RHOJ: variants seen among roughly 807,000 people sequenced by gnomAD.
RHOJ encodes the protein rho-related GTP-binding protein RhoJ.
RHOJ carries 11 observed loss-of-function variants against 23.4 expected under a neutral mutation model. The observed-to-expected ratio is 0.47, with a 90% confidence interval of 0.30 to 0.78. The LOEUF is 0.78. Among genes scored for constraint, RHOJ ranks in the 30% least tolerant of loss-of-function variants. The probability of loss-of-function intolerance (pLI) is 0.08; values close to 1 mark genes in which losing one functional copy is unlikely to be tolerated. For synonymous variants in RHOJ, 102 were observed against 102.7 expected (o/e 0.99, Z 0.04); for missense variants, 254 against 273.4 (o/e 0.93, Z 0.50).
chr14:63,239,179 T>C (rs372117903), intron 1 of RHOJ, among the ~76,000 whole-genome samples: 4 of 152,100 alleles, frequency 2.6e-5, no homozygotes, highest in African/African-American at 9.7e-5. Context: ...TGGCACAATC[T>C]CGACTCACCG....
At chr14:63,214,510 A>G (rs778089343) in intron 1 of RHOJ, among the ~76,000 whole-genome samples, 2 of 152,222 alleles carry the variant, frequency 1.3e-5, no homozygotes, top group African/African-American at 2.4e-5. Context: ...TTTCCAGCAG[A>G]TCGTATCAAA....
chr14:63,232,482 T>A (rs890799865), intron 1 of RHOJ, among the ~76,000 whole-genome samples: 3 of 152,168 alleles, frequency 2.0e-5, no homozygotes, highest in Admixed American at 1.3e-4. Flanking sequence ...GTTTAGCAAG[T>A]TGGCCAGAAT....
chr14:63,223,261 T>G lies in RHOJ; in HGVS notation c.178+18214T>G, dbSNP rs1200565205. 3.9e-5 allele frequency among the ~76,000 whole-genome samples: 6 copies of G among 152,230 alleles called. No individual in the cohort carries two copies. The East Asian group carries it at 1.2e-3, about 29-fold the overall frequency. Reference sequence around the variant, plus strand: ...ACCTATTGGTCTAGGAAAGAGGTCCTGTTATCCTCTATCTCCAAGGCCCCA... The same window carrying G: ...ACCTATTGGTCTAGGAAAGAGGTCCGGTTATCCTCTATCTCCAAGGCCCCA... On this transcript the variant is annotated intron_variant, in intron 1 of 4. Coordinates refer to ENST00000316754, the MANE Select transcript of RHOJ (RefSeq NM_020663.5).
At chr14:63,249,121 A>G (rs1395878918) in intron 1 of RHOJ, among the ~76,000 whole-genome samples, 1 of 152,250 alleles carries the variant, frequency 6.6e-6, no homozygotes, top group African/African-American at 2.4e-5. Context: ...TGAGAAGCTC[A>G]GGGCACTTCT....
At chr14:63,280,251 A>C (rs561086003) in intron 2 of RHOJ, among the ~76,000 whole-genome samples, 17 of 152,232 alleles carry the variant, frequency 1.1e-4, no homozygotes, top group African/African-American at 4.1e-4. Flanking sequence ...TCTCAAGCTC[A>C]AGGAATCAGG....
intron 1 of RHOJ, among the ~76,000 whole-genome samples, chr14:63,232,877 G>A (rs1894722312): frequency 6.6e-6 from 1 of 151,638 alleles, no homozygotes; most frequent in Non-Finnish European, 1.5e-5. Context: ...TTGTGTTTTT[G>A]CAGAGATAGG....
chr14:63,258,449 AAT>A (rs35755497), intron 1 of RHOJ, among the ~76,000 whole-genome samples: 44,195 of 148,756 alleles, frequency 0.3, 10,695 homozygotes, highest in African/African-American at 0.67. Context: ...AACTGTTTAA[AAT>A]ATATATATAT....
At chr14:63,234,312 T>C (rs1894749028) in intron 1 of RHOJ, among the ~76,000 whole-genome samples, 1 of 152,210 alleles carries the variant, frequency 6.6e-6, no homozygotes, top group Non-Finnish European at 1.5e-5. Context: ...GATAGAACTT[T>C]GTACATCTCT....
At chr14:63,253,096 T>C (rs1895100348) in intron 1 of RHOJ, among the ~76,000 whole-genome samples, 1 of 152,218 alleles carries the variant, frequency 6.6e-6, no homozygotes, top group Non-Finnish European at 1.5e-5. Flanking sequence ...TCTTTTCTTA[T>C]AAACTCTTAA....
chr14:63,281,027 C>A lies in RHOJ; in HGVS notation c.294C>A (p.Ile98=). The A allele has an allele frequency of 6.2e-7, 1 of 1,614,112 alleles. No individual in the cohort carries two copies. Among genetic ancestry groups the A allele is most frequent in the Non-Finnish European group, 8.5e-7 (1 of 1,179,986 alleles). The change falls in exon 3 of 5, where the codon ATC becomes ATA. Residue 98 remains isoleucine, a synonymous_variant. Transcript: ENST00000316754. The part of the protein sequence containing the change: ...LSYPNTDVFL[I]CFSVVNPASY... The stretch of plus-strand genomic sequence containing the variant: ...ACCCCAACACGGATGTGTTTTTGAT[C>A]TGCTTCTCTGTCGTAAACCCTGCCT...
Position 63,291,402 on chromosome 14 carries a change from G to A in RHOJ, c.*378G>A. On this transcript the variant is annotated 3_prime_UTR_variant, in exon 5 of 5. Coordinates refer to ENST00000316754, the MANE Select transcript of RHOJ (RefSeq NM_020663.5). ...AAAGAAACTTGATTCCTCTATTGCT[G>A]GCCTTACTTGATGTCTTTTATAAAA... 1 of 288,924 alleles carries A rather than the reference G, an allele frequency of 3.5e-6. No homozygotes were observed. Among genetic ancestry groups the A allele is most frequent in the Non-Finnish European group, 6.7e-6 (1 of 149,306 alleles). The allele number at this position is 288,924 out of a possible 1,614,324, so 17.9% of individuals were successfully genotyped here. A position where few individuals can be genotyped will look rare whatever the true frequency, so the allele number is the denominator to read the frequency against.
chr14:63,206,922 C>G (rs544494391), intron 1 of RHOJ, among the ~76,000 whole-genome samples: 1 of 152,100 alleles, frequency 6.6e-6, no homozygotes, highest in South Asian at 2.1e-4. Flanking sequence ...CTTTGTACCT[C>G]TTTAAGTATA....
intron 1 of RHOJ, among the ~76,000 whole-genome samples, chr14:63,267,716 G>A (rs935405843): frequency 3.3e-5 from 5 of 152,224 alleles, no homozygotes; most frequent in Admixed American, 1.3e-4. Flanking sequence ...ACTTGTGAAA[G>A]GAAGTGAAAA....
intron 1 of RHOJ, among the ~76,000 whole-genome samples, chr14:63,264,652 G>T (rs181201453): frequency 4.6e-5 from 7 of 152,222 alleles, no homozygotes; most frequent in Admixed American, 2.0e-4. Context: ...AGTGTATAAG[G>T]TTTCCCTTTT....
At chr14:63,243,264 G>T (rs139276576) in intron 1 of RHOJ, among the ~76,000 whole-genome samples, 1 of 152,156 alleles carries the variant, frequency 6.6e-6, no homozygotes, top group Non-Finnish European at 1.5e-5. Context: ...GTTTCAGTTG[G>T]AGTGAAGAAC....
At chr14:63,280,713 A>G (rs10131455) in intron 2 of RHOJ, among the ~76,000 whole-genome samples, 2,848 of 152,288 alleles carry the variant, frequency 0.019, 81 homozygotes, top group African/African-American at 0.063. Flanking sequence ...TATAAGTTAT[A>G]TCTCAATAAA....
intron 1 of RHOJ, among the ~76,000 whole-genome samples, chr14:63,241,884 G>C (rs1212976208): frequency 1.3e-5 from 2 of 152,180 alleles, no homozygotes; most frequent in Non-Finnish European, 2.9e-5. Flanking sequence ...GTTCATTGGT[G>C]AAATCACCAA....
intron 1 of RHOJ, among the ~76,000 whole-genome samples, chr14:63,250,596 C>T (rs1450678215): frequency 1.3e-5 from 2 of 152,040 alleles, no homozygotes. Context: ...CCTAGAATGT[C>T]CCCCCATACA....
At chr14:63,237,361 T>A (rs1352136105) in intron 1 of RHOJ, among the ~76,000 whole-genome samples, 1 of 152,154 alleles carries the variant, frequency 6.6e-6, no homozygotes, top group African/African-American at 2.4e-5. Flanking sequence ...AGCTTTAAAA[T>A]TTAAAAAGAA....
Sources: gnomAD v4.1 joint callset for allele counts (sites outside exome capture counted in the v4.1 genomes callset) on GRCh38, gnomAD v4.1.1 for gene constraint, MANE v1.5 for transcripts, NCBI Gene and HGNC (gene_info 2026-07-23, HGNC 2026-07-21) for gene names.